Variants in CNTN4 observed in about 807,000 individuals in gnomAD.
CNTN4 encodes the protein contactin 4, also known as contactin-4.
In CNTN4, 77 loss-of-function variants were observed where a neutral mutation model predicts 122.5. The observed-to-expected ratio is 0.63, with a 90% CI of 0.52 to 0.76. The LOEUF (loss-of-function observed/expected upper bound fraction) is 0.76, where lower values mean the gene tolerates loss of function less well. Among genes scored for constraint, CNTN4 ranks in the 30% least tolerant of loss-of-function variants. The pLI is 0.00. For synonymous variants in CNTN4, 512 were observed against 447.0 expected, an observed-to-expected ratio of 1.15 and a Z score of -1.83; for missense variants, 1,256 against 1,259.1, an observed-to-expected ratio of 1.00 and a Z score of 0.04.
At position 2,827,085 on chromosome 3, in the gene CNTN4, T is replaced by C. The variant is rs1383201810; in HGVS notation, c.454+7504T>C. Among the ~76,000 whole-genome samples the C allele has an allele frequency of 2.0e-5, 3 of 152,310 alleles. No individual in the cohort carries two copies. The East Asian group carries it at 5.8e-4, about 29-fold the overall frequency. On this transcript the variant is annotated intron_variant, in intron 7 of 24. Transcript: ENST00000418658. ...TAGTTACTGGGCCCCACGCATCATA[T>C]CAGACCTCCTTGGCTATTGACATTT...
At chr3:2,160,205 G>T (rs556309294) in intron 2 of CNTN4, among the ~76,000 whole-genome samples, 4 of 152,064 alleles carry the variant, frequency 2.6e-5, no homozygotes, top group Non-Finnish European at 4.4e-5. Flanking sequence ...CTATAAATAT[G>T]CTTTCTTTTG....
At chr3:2,449,156 G>C (rs2048733410) in intron 3 of CNTN4, among the ~76,000 whole-genome samples, 1 of 152,114 alleles carries the variant, frequency 6.6e-6, no homozygotes, top group Admixed American at 6.6e-5. Context: ...GAGCATGTTG[G>C]ATTTAAAAGA....
intron 3 of CNTN4, among the ~76,000 whole-genome samples, chr3:2,553,155 T>C (rs1268131804): frequency 6.6e-6 from 1 of 152,176 alleles, no homozygotes; most frequent in African/African-American, 2.4e-5. Context: ...TTAGGAACCA[T>C]GTTTTGAAAA....
rs72994041 is a variant in CNTN4, at chr3:2,356,152, A to G, written c.-89+16919A>G. Among the ~76,000 whole-genome samples, 558 of 152,304 alleles carry G rather than the reference A, an allele frequency of 3.7e-3. 4 individuals are homozygous for G. Among genetic ancestry groups the G allele is most frequent in the Middle Eastern group, 0.024 (7 of 294 alleles). The stretch of plus-strand genomic sequence containing the variant: ...CAGTTGTTACTGGAAAGGGGTCCCA[A>G]TCAAGACCCTAAGAGAGAGTTCTTG... On this transcript the variant is annotated intron_variant, in intron 3 of 24. Transcript: ENST00000418658.
At chr3:2,959,922 C>A (rs2094836440) in intron 13 of CNTN4, among the ~76,000 whole-genome samples, 1 of 152,154 alleles carries the variant, frequency 6.6e-6, no homozygotes, top group Non-Finnish European at 1.5e-5. Context: ...GTCAGCATTT[C>A]AAATTCAGCT....
intron 2 of CNTN4, among the ~76,000 whole-genome samples, chr3:2,306,895 T>G (rs1399069496): frequency 1.5e-5 from 2 of 133,978 alleles, no homozygotes; most frequent in Non-Finnish European, 3.1e-5. Flanking sequence ...TAAATGAAAT[T>G]TTTTTATTTC....
intron 11 of CNTN4, among the ~76,000 whole-genome samples, chr3:2,901,166 A>G (rs1023152789): frequency 6.6e-6 from 1 of 152,232 alleles, no homozygotes; most frequent in Non-Finnish European, 1.5e-5. Flanking sequence ...GGGCATTGAC[A>G]CAATACAGGA....
At position 2,518,274 on chromosome 3, in the gene CNTN4, C is replaced by T. The variant is rs147495418; in HGVS notation, c.-88-53142C>T. On this transcript the variant is annotated intron_variant, in intron 3 of 24. Coordinates refer to ENST00000418658, the MANE Select transcript of CNTN4 (RefSeq NM_175607.3). ...GCACGCATCTAGGCTAAGATCTTTG[C>T]AAACCTTTAATGTTCATCAAGGGCT... 3.1e-3 allele frequency among the ~76,000 whole-genome samples: 470 copies of T among 152,136 alleles called. 3 individuals carry two copies. The highest frequency in any genetic ancestry group is 0.011 in the African/African-American group (456 of 41,532).
intron 4 of CNTN4, among the ~76,000 whole-genome samples, chr3:2,654,952 G>A (rs978965660): frequency 1.3e-5 from 2 of 152,104 alleles, no homozygotes; most frequent in African/African-American, 4.8e-5. Context: ...ACTTCAGAAT[G>A]TATAGAACTT....
chr3:2,275,777 G>A (rs978047939), intron 2 of CNTN4, among the ~76,000 whole-genome samples: 4 of 151,490 alleles, frequency 2.6e-5, no homozygotes, highest in South Asian at 2.1e-4. Context: ...AAAATTAGCC[G>A]GGCGTGGTGG....
chr3:2,176,083 A>C (rs1241607531), intron 2 of CNTN4, among the ~76,000 whole-genome samples: 2 of 152,152 alleles, frequency 1.3e-5, no homozygotes, highest in Non-Finnish European at 2.9e-5. Context: ...GTTGAGTCTA[A>C]ATGCACTGCC....
At chr3:2,115,360 G>T (rs554909034) in intron 2 of CNTN4, among the ~76,000 whole-genome samples, 2 of 152,122 alleles carry the variant, frequency 1.3e-5, no homozygotes, top group African/African-American at 4.8e-5. Context: ...TATTCCATGC[G>T]CTCTCCATAT....
chr3:2,490,544 T>C (rs1559602199), intron 3 of CNTN4, among the ~76,000 whole-genome samples: 1 of 152,198 alleles, frequency 6.6e-6, no homozygotes, highest in Non-Finnish European at 1.5e-5. Flanking sequence ...TGTCTCCGGG[T>C]ATGGTGGAAA....
chr3:2,963,448 G>A (rs529926619), intron 13 of CNTN4, among the ~76,000 whole-genome samples: 6 of 152,090 alleles, frequency 3.9e-5, no homozygotes, highest in Non-Finnish European at 8.8e-5. Flanking sequence ...CCAAACCTTA[G>A]CAGCCAATCT....
intron 3 of CNTN4, among the ~76,000 whole-genome samples, chr3:2,518,243 G>A (rs1451781633): frequency 2.6e-5 from 4 of 151,464 alleles, no homozygotes; most frequent in African/African-American, 7.3e-5. Context: ...GTGCACACAC[G>A]CACATGCACG....
At chr3:2,181,855 A>G (rs2037031905) in intron 2 of CNTN4, among the ~76,000 whole-genome samples, 1 of 152,156 alleles carries the variant, frequency 6.6e-6, no homozygotes, top group African/African-American at 2.4e-5. Flanking sequence ...GTGGTATGAT[A>G]GTCACATTTG....
chr3:2,272,434 C>G (rs1455851285), intron 2 of CNTN4, among the ~76,000 whole-genome samples: 3 of 151,958 alleles, frequency 2.0e-5, no homozygotes, highest in Non-Finnish European at 4.4e-5. Context: ...CATCATTGTC[C>G]CAAAGTTTAA....
chr3:2,426,823 A>G (rs1190544464), intron 3 of CNTN4, among the ~76,000 whole-genome samples: 1 of 152,064 alleles, frequency 6.6e-6, no homozygotes, highest in Non-Finnish European at 1.5e-5. Context: ...CCAGAAATTT[A>G]TCCATTTCTT....
chr3:2,463,470 ATAT>A (rs1332074627), intron 3 of CNTN4, among the ~76,000 whole-genome samples: 1 of 152,132 alleles, frequency 6.6e-6, no homozygotes, highest in African/African-American at 2.4e-5. Flanking sequence ...CATGTGAAAG[ATAT>A]TATTGGCCAG....
Sources: gnomAD v4.1 joint callset for allele counts (sites outside exome capture counted in the v4.1 genomes callset) on GRCh38, gnomAD v4.1.1 for gene constraint, MANE v1.5 for transcripts, NCBI Gene and HGNC (gene_info 2026-07-23, HGNC 2026-07-21) for gene names.